The following LHFPL2 variants were observed in gnomAD, a reference collection of about 807,000 sequenced individuals.
LHFPL2 encodes the protein LHFPL tetraspan subfamily member 2 protein.
Under a neutral mutation model 17.5 loss-of-function variants are expected in LHFPL2, and 7 were observed. The observed-to-expected ratio is 0.40, with a 90% CI of 0.23 to 0.75. LHFPL2 has a LOEUF of 0.75. LHFPL2 is among the 30% of genes least tolerant of loss of function. The pLI is 0.37. For synonymous variants in LHFPL2, 134 were observed against 116.2 expected (o/e 1.15, Z -0.99); for missense variants, 241 against 294.8 (o/e 0.82, Z 1.34).
At chr5:78,594,411 G>A (rs560962979) in intron 2 of LHFPL2, among the ~76,000 whole-genome samples, 1 of 152,306 alleles carries the variant, frequency 6.6e-6, no homozygotes, top group East Asian at 1.9e-4. Context: ...TAATGTATCT[G>A]TAAGGGTTAA....
At chr5:78,537,011 G>A (rs374248236) in intron 3 of LHFPL2, among the ~76,000 whole-genome samples, 17 of 152,300 alleles carry the variant, frequency 1.1e-4, no homozygotes, top group African/African-American at 3.4e-4. Flanking sequence ...GACCAGCAGC[G>A]TTGGTGGCAC....
chr5:78,630,058 G>C (rs142502351), intron 2 of LHFPL2, among the ~76,000 whole-genome samples: 1 of 152,288 alleles, frequency 6.6e-6, no homozygotes, highest in African/African-American at 2.4e-5. Flanking sequence ...TTCAACTAGC[G>C]ACCTCTGTGA....
chr5:78,579,307 C>A (rs889994086), intron 2 of LHFPL2, among the ~76,000 whole-genome samples: 1 of 151,162 alleles, frequency 6.6e-6, no homozygotes, highest in African/African-American at 2.4e-5. Context: ...TTAGTGCTCG[C>A]AAGGTTTTTT....
intron 2 of LHFPL2, among the ~76,000 whole-genome samples, chr5:78,567,132 G>C (rs890402211): frequency 6.6e-6 from 1 of 152,196 alleles, no homozygotes; most frequent in African/African-American, 2.4e-5. Context: ...TTGTATCCCA[G>C]TTCCCACCTA....
At chr5:78,499,294 T>G (rs1459368136) in intron 4 of LHFPL2, among the ~76,000 whole-genome samples, 1 of 152,236 alleles carries the variant, frequency 6.6e-6, no homozygotes, top group Non-Finnish European at 1.5e-5. Context: ...ACACTAACAA[T>G]GGGAGCATTT....
At chr5:78,524,401 T>C (rs73142197) in intron 3 of LHFPL2, among the ~76,000 whole-genome samples, 2,072 of 152,314 alleles carry the variant, frequency 0.014, 39 homozygotes, top group African/African-American at 0.048. Context: ...ATTATTCAAA[T>C]GTCATGCTCT....
intron 3 of LHFPL2, among the ~76,000 whole-genome samples, chr5:78,519,335 A>C (rs1305246017): frequency 6.6e-6 from 1 of 152,206 alleles, no homozygotes. Context: ...ATCACTGCAG[A>C]GCAGTTCCTT....
intron 4 of LHFPL2, among the ~76,000 whole-genome samples, chr5:78,508,529 G>C (rs1389068722): frequency 6.6e-6 from 1 of 152,184 alleles, no homozygotes; most frequent in Admixed American, 6.5e-5. Context: ...GGCCTCCTAA[G>C]ATCTGAGGAA....
At chr5:78,514,336 G>T (rs1755226107) in intron 3 of LHFPL2, among the ~76,000 whole-genome samples, 1 of 141,400 alleles carries the variant, frequency 7.1e-6, no homozygotes, top group Non-Finnish European at 1.5e-5. Context: ...ACAACGGTGT[G>T]CAAAGTAAAG....
At chr5:78,639,461 G>A (rs149076182) in intron 1 of LHFPL2, among the ~76,000 whole-genome samples, 51 of 152,264 alleles carry the variant, frequency 3.3e-4, no homozygotes, top group Middle Eastern at 3.4e-3. Flanking sequence ...ACTATGCTAC[G>A]AATTACAGCA....
intron 4 of LHFPL2, among the ~76,000 whole-genome samples, chr5:78,501,464 C>T (rs190449512): frequency 1.3e-5 from 2 of 152,206 alleles, no homozygotes; most frequent in East Asian, 1.9e-4. Context: ...AGGGTACCTG[C>T]GTTAAGATGC....
At position 78,509,972 on chromosome 5, in the gene LHFPL2, A is replaced by T. The variant is rs779705552; in HGVS notation, c.242T>A (p.Leu81Gln). 1.9e-6 allele frequency: 3 copies of T among 1,613,880 alleles called. No homozygotes were observed. In the South Asian group the frequency reaches 3.3e-5, roughly 18 times the overall value. ...GAAGCTCTCGGCGTAGGGCCCGCAC[A>T]GCGTGTCCCGCTGGAAGTGCTGCAC... ...PGVQHFQRDT[L>Q]CGPYAESFGE... The change falls in exon 4 of 5, where the codon CTG becomes CAG. Residue 81 changes from leucine to glutamine, a missense_variant. Coordinates refer to ENST00000380345, the MANE Select transcript of LHFPL2 (RefSeq NM_005779.3).
chr5:78,639,501 G>A (rs550376635), intron 1 of LHFPL2, among the ~76,000 whole-genome samples: 9 of 152,232 alleles, frequency 5.9e-5, no homozygotes, highest in South Asian at 2.1e-4. Flanking sequence ...TAATTAAGTC[G>A]GTAATTATGA....
At chr5:78,556,548 T>C (rs1437404788) in intron 3 of LHFPL2, among the ~76,000 whole-genome samples, 28 of 152,184 alleles carry the variant, frequency 1.8e-4, no homozygotes, top group Non-Finnish European at 2.4e-4. Flanking sequence ...GAAATATTTT[T>C]TATAACTAAA....
At chr5:78,529,411 A>G (rs547478784) in intron 3 of LHFPL2, among the ~76,000 whole-genome samples, 2 of 152,356 alleles carry the variant, frequency 1.3e-5, no homozygotes, top group African/African-American at 2.4e-5. Context: ...TATTCCTGTG[A>G]AAGGTTGAAA....
chr5:78,523,111 GGTGTGTGT>G (rs57180798), intron 3 of LHFPL2, among the ~76,000 whole-genome samples: 3 of 149,626 alleles, frequency 2.0e-5, no homozygotes, highest in African/African-American at 4.9e-5. Context: ...GTGTGTCTGT[GGTGTGTGT>G]GTGTGTGTGT....
intron 2 of LHFPL2, among the ~76,000 whole-genome samples, chr5:78,618,092 T>C (rs1006710790): frequency 1.3e-4 from 20 of 152,044 alleles, no homozygotes; most frequent in Non-Finnish European, 2.6e-4. Flanking sequence ...TAATTCCAGC[T>C]ACTTGGGAGG....
intron 3 of LHFPL2, among the ~76,000 whole-genome samples, chr5:78,515,254 A>AC (rs11383146): frequency 0.89 from 135,804 of 152,118 alleles, 60,825 homozygotes; most frequent in African/African-American, 0.95. Flanking sequence ...TAGTCTTCCC[A>AC]CCCAACCTAT....
intron 3 of LHFPL2, among the ~76,000 whole-genome samples, chr5:78,553,415 T>G (rs1756497019): frequency 6.6e-6 from 1 of 152,182 alleles, no homozygotes; most frequent in Admixed American, 6.5e-5. Context: ...CTTCTCTGCT[T>G]GTCCTCTCAT....
Sources: gnomAD v4.1 joint callset for allele counts (sites outside exome capture counted in the v4.1 genomes callset) on GRCh38, gnomAD v4.1.1 for gene constraint, MANE v1.5 for transcripts, NCBI Gene and HGNC (gene_info 2026-07-23, HGNC 2026-07-21) for gene names.